The following ERBB4 variants were observed in gnomAD, a reference collection of about 807,000 sequenced individuals.
ERBB4 encodes the protein receptor tyrosine-protein kinase erbB-4.
Under a neutral mutation model 158.0 loss-of-function variants are expected in ERBB4, and 42 were observed. The ratio of observed to expected loss-of-function variants is 0.27; its 90% CI spans 0.21 to 0.34. ERBB4 has a LOEUF of 0.34. Ranked by LOEUF, ERBB4 falls within the 10% of genes least tolerant of loss-of-function variation. The pLI, the probability that ERBB4 is intolerant of heterozygous loss-of-function variation, is 1.00. For synonymous variants in ERBB4, 583 were observed against 558.7 expected (o/e 1.04, Z -0.61); for missense variants, 1,333 against 1,624.1 (o/e 0.82, Z 3.08).
chr2:212,128,088 A>G (rs1434631153), intron 1 of ERBB4, among the ~76,000 whole-genome samples: 2 of 152,190 alleles, frequency 1.3e-5, no homozygotes, highest in African/African-American at 4.8e-5. Flanking sequence ...CCTCCATGCT[A>G]CACTTCCATT....
chr2:212,446,591 GTATATATATATA>G (rs71057412), intron 1 of ERBB4, among the ~76,000 whole-genome samples: 1,239 of 27,520 alleles, frequency 0.045, 132 homozygotes, highest in Non-Finnish European at 0.049. Flanking sequence ...ATATATATAT[GTATATATATATA>G]TATATATATA....
At chr2:211,915,070 A>G (rs577635903) in intron 3 of ERBB4, among the ~76,000 whole-genome samples, 3 of 152,286 alleles carry the variant, frequency 2.0e-5, no homozygotes, top group African/African-American at 7.2e-5. Context: ...AAGGCAAAGT[A>G]ATATTAGCGC....
At chr2:211,840,220 T>C (rs187092336) in intron 3 of ERBB4, among the ~76,000 whole-genome samples, 3 of 152,156 alleles carry the variant, frequency 2.0e-5, no homozygotes, top group Admixed American at 2.0e-4. Context: ...AGAGATCTGA[T>C]GGTTTTCTAA....
At chr2:212,083,877 A>G (rs971655022) in intron 2 of ERBB4, among the ~76,000 whole-genome samples, 2 of 150,768 alleles carry the variant, frequency 1.3e-5, no homozygotes, top group Non-Finnish European at 3.0e-5. Flanking sequence ...TTATAGAGTG[A>G]CTTTATACAT....
intron 2 of ERBB4, among the ~76,000 whole-genome samples, chr2:212,006,873 C>A (rs1038064330): frequency 6.6e-6 from 1 of 151,934 alleles, no homozygotes; most frequent in African/African-American, 2.4e-5. Flanking sequence ...AGCTGGACAT[C>A]CCTTTACATT....
chr2:212,257,216 A>T (rs2084770079), intron 1 of ERBB4, among the ~76,000 whole-genome samples: 1 of 152,186 alleles, frequency 6.6e-6, no homozygotes, highest in Non-Finnish European at 1.5e-5. Context: ...AGACTGAAAC[A>T]AGTCAATTTT....
intron 19 of ERBB4, among the ~76,000 whole-genome samples, chr2:211,618,945 C>G (rs752930991): frequency 2.0e-5 from 3 of 152,030 alleles, no homozygotes; most frequent in African/African-American, 7.2e-5. Flanking sequence ...TATCTTGAAA[C>G]TCTAAAGGCA....
chr2:211,774,830 T>A (rs2075831998), intron 4 of ERBB4, among the ~76,000 whole-genome samples: 1 of 152,200 alleles, frequency 6.6e-6, no homozygotes, highest in Non-Finnish European at 1.5e-5. Context: ...TGTTAGTGGG[T>A]TATTCCGGTC....
chr2:212,484,433 T>G (rs772484423), intron 1 of ERBB4, among the ~76,000 whole-genome samples: 1 of 152,212 alleles, frequency 6.6e-6, no homozygotes, highest in Non-Finnish European at 1.5e-5. Context: ...CATATAAGAT[T>G]GTCAGAAAGC....
At chr2:211,508,969 T>C (rs577425728) in intron 20 of ERBB4, among the ~76,000 whole-genome samples, 1 of 151,328 alleles carries the variant, frequency 6.6e-6, no homozygotes, top group Non-Finnish European at 1.5e-5. Context: ...AAAAAGAAAA[T>C]GTGTCACATA....
At chr2:211,402,022 A>G (rs921902146) in intron 25 of ERBB4, among the ~76,000 whole-genome samples, 2 of 151,908 alleles carry the variant, frequency 1.3e-5, no homozygotes, top group East Asian at 3.9e-4. Context: ...CTATGATCCA[A>G]TGAAAGGAAA....
intron 1 of ERBB4, among the ~76,000 whole-genome samples, chr2:212,197,429 C>T (rs2082460617): frequency 6.6e-6 from 1 of 152,094 alleles, no homozygotes; most frequent in Admixed American, 6.5e-5. Context: ...GCCCAGTTTT[C>T]TCATTTAACC....
At chr2:211,797,671 C>G (rs80353560) in intron 3 of ERBB4, among the ~76,000 whole-genome samples, 5,937 of 151,744 alleles carry the variant, frequency 0.039, 376 homozygotes, top group African/African-American at 0.13. Context: ...CTAGAAGTCT[C>G]AGCTAAAATG....
intron 19 of ERBB4, among the ~76,000 whole-genome samples, chr2:211,591,928 T>C (rs955125372): frequency 2.6e-5 from 4 of 152,168 alleles, no homozygotes; most frequent in Non-Finnish European, 5.9e-5. Context: ...TTGTTGTACC[T>C]GAGCGAGTTA....
chr2:211,928,478 T>G (rs765995519), intron 3 of ERBB4, among the ~76,000 whole-genome samples: 18 of 152,312 alleles, frequency 1.2e-4, no homozygotes, highest in Non-Finnish European at 2.4e-4. Context: ...GGGCTCGGAC[T>G]TCTTAAACCA....
intron 1 of ERBB4, among the ~76,000 whole-genome samples, chr2:212,358,574 CT>C (rs1183434551): frequency 6.6e-6 from 1 of 151,514 alleles, no homozygotes; most frequent in Non-Finnish European, 1.5e-5. Context: ...ATTAAAATTT[CT>C]TGATTAATGA....
chr2:212,485,072 G>T (rs1374533004), intron 1 of ERBB4, among the ~76,000 whole-genome samples: 1 of 152,142 alleles, frequency 6.6e-6, no homozygotes, highest in Non-Finnish European at 1.5e-5. Flanking sequence ...ATAAGATTAC[G>T]ATTTCATTAA....
chr2:212,453,701 AATC>A (rs1333903004), intron 1 of ERBB4, among the ~76,000 whole-genome samples: 2 of 152,156 alleles, frequency 1.3e-5, no homozygotes, highest in Non-Finnish European at 2.9e-5. Flanking sequence ...AAAATTTTAA[AATC>A]ATTTTACCTA....
At chr2:211,963,477 T>C (rs1456119246) in intron 2 of ERBB4, among the ~76,000 whole-genome samples, 1 of 152,144 alleles carries the variant, frequency 6.6e-6, no homozygotes, top group East Asian at 1.9e-4. Flanking sequence ...ATGTATACAT[T>C]ATGAGGAAAA....
Sources: gnomAD v4.1 joint callset for allele counts (sites outside exome capture counted in the v4.1 genomes callset) on GRCh38, gnomAD v4.1.1 for gene constraint, MANE v1.5 for transcripts, NCBI Gene and HGNC (gene_info 2026-07-23, HGNC 2026-07-21) for gene names.